ATG3: variants seen among roughly 807,000 people sequenced by gnomAD.
ATG3 encodes the protein autophagy related 3.
In ATG3, 25 loss-of-function variants were observed where a neutral mutation model predicts 50.7. The observed-to-expected ratio is 0.49, with a 90% CI of 0.36 to 0.69. The LOEUF is 0.69. Among genes scored for constraint, ATG3 ranks in the 30% least tolerant of loss-of-function variants. The pLI, the probability that ATG3 is intolerant of heterozygous loss-of-function variation, is 0.00. For missense variants in ATG3, 281 were observed against 376.0 expected, an observed-to-expected ratio of 0.75 and a Z score of 2.09; for synonymous variants, 119 against 125.5, an observed-to-expected ratio of 0.95 and a Z score of 0.34.
intron 10 of ATG3, 149 bp downstream of exon 10, chr3:112,536,326 G>T: frequency 2.2e-6 from 2 of 889,604 alleles, no homozygotes; most frequent in Non-Finnish European, 3.3e-6. Context: ...TTAAGCACAA[G>T]AAAATTTCTA....
intron 1 of ATG3, 112 bp downstream of exon 1, chr3:112,561,345 A>C (rs1399495631): frequency 9.0e-7 from 1 of 1,114,674 alleles, no homozygotes; most frequent in Non-Finnish European, 1.3e-6. Flanking sequence ...CTCGAGCCCT[A>C]CTGCCTTCCT....
chr3:112,550,122 G>T, intron 4 of ATG3, 70 bp downstream of exon 4: 1 of 1,170,592 alleles, frequency 8.5e-7, no homozygotes, highest in Non-Finnish European at 1.2e-6. Flanking sequence ...TCAAGCAATA[G>T]AAAAACCGAG....
At chr3:112,553,041 G>A (rs1933569756) in intron 3 of ATG3, among the ~76,000 whole-genome samples, 1 of 152,172 alleles carries the variant, frequency 6.6e-6, no homozygotes, top group South Asian at 2.1e-4. Context: ...AGTAAAGGAA[G>A]TAAATGCATT....
intron 2 of ATG3, among the ~76,000 whole-genome samples, chr3:112,557,499 T>A (rs1471144064): frequency 6.6e-6 from 1 of 152,174 alleles, no homozygotes; most frequent in Non-Finnish European, 1.5e-5. Context: ...TCACCTGTAT[T>A]CCCAGCTACT....
intron 5 of ATG3, among the ~76,000 whole-genome samples, chr3:112,544,551 G>A (rs1387926637): frequency 6.6e-6 from 1 of 151,228 alleles, no homozygotes; most frequent in Non-Finnish European, 1.5e-5. Context: ...CTACTTGGGA[G>A]GCTGAGACAG....
In ATG3 at chr3:112,536,586, G is replaced by C. The variant is rs1442167181; in HGVS notation, c.683C>G (p.Thr228Arg). 1 of 1,614,022 alleles carries C rather than the reference G, an allele frequency of 6.2e-7. No homozygotes were observed. Among genetic ancestry groups the C allele is most frequent in the East Asian group, 2.2e-5 (1 of 44,872 alleles). Residue 228 changes from threonine to arginine, a missense_variant, in exon 10 of 12, where the codon ACA becomes AGA. By Grantham distance (71) the Thr-to-Arg change is moderately conservative. Coordinates refer to ENST00000283290, the MANE Select transcript of ATG3 (RefSeq NM_022488.5). ...FGYDEQRQPL[T>R]VEHMYEDISQ... ...GATGTCTTCATACATGTGCTCAACT[G>C]TTAAAGGCTGCCGTTGCTGAAAGCA...
At chr3:112,547,460 T>C (rs890048455) in intron 5 of ATG3, among the ~76,000 whole-genome samples, 2 of 152,184 alleles carry the variant, frequency 1.3e-5, no homozygotes, top group Non-Finnish European at 2.9e-5. Context: ...CCTCTAGGAC[T>C]CAAAGGGAGA....
intron 4 of ATG3, among the ~76,000 whole-genome samples, chr3:112,549,125 T>C (rs1002458780): frequency 6.6e-6 from 1 of 152,244 alleles, no homozygotes; most frequent in Non-Finnish European, 1.5e-5. Flanking sequence ...TTATTCACAA[T>C]GGATAAAACA....
chr3:112,553,234 G>C (rs1245293261), intron 3 of ATG3, 46 bp downstream of exon 3: 1 of 1,506,528 alleles, frequency 6.6e-7, no homozygotes, highest in Non-Finnish European at 9.2e-7. Context: ...TAATTCTGAA[G>C]CCATGCATTT....
chr3:112,543,739 T>C (rs976779270), intron 6 of ATG3, among the ~76,000 whole-genome samples: 9 of 152,294 alleles, frequency 5.9e-5, no homozygotes, highest in African/African-American at 2.2e-4. Flanking sequence ...AAAAAAGTCA[T>C]CTCTTTTAAA....
chr3:112,550,316 A>C, intron 3 of ATG3, 54 bp from the exon 4 acceptor site: 1 of 1,339,214 alleles, frequency 7.5e-7, no homozygotes, highest in Non-Finnish European at 1.1e-6. Flanking sequence ...ATAGGCAAAT[A>C]TACAGCAGAA....
intron 5 of ATG3, among the ~76,000 whole-genome samples, chr3:112,548,134 A>G (rs1284312821): frequency 6.6e-6 from 1 of 152,190 alleles, no homozygotes; most frequent in African/African-American, 2.4e-5. Flanking sequence ...CAGCCAGATG[A>G]CGAGGTCAAG....
At chr3:112,553,538 TA>T (rs1176389583) in intron 2 of ATG3, among the ~76,000 whole-genome samples, 3 of 152,158 alleles carry the variant, frequency 2.0e-5, no homozygotes, top group Non-Finnish European at 4.4e-5. Flanking sequence ...CTAATGTCCA[TA>T]AAAAAATTCA....
rs533958789 is a variant in ATG3 at position 112,550,204 on chromosome 3, C to T, written c.223G>A (p.Val75Ile). 31 of 1,611,420 alleles carry T rather than the reference C, an allele frequency of 1.9e-5. No individual in the cohort carries two copies. The highest frequency in any genetic ancestry group is 2.6e-5 in the Non-Finnish European group (31 of 1,178,476). Residue 75 changes from valine (V) to isoleucine (I), a missense_variant, in exon 4 of 12, where the codon GTA becomes ATA. Transcript: ENST00000283290. ...AYLPTGKQFL[V>I]TKNVPCYKRC... ...ACATAATTCTTACCATTTTTGGTTA[C>T]CAAAAATTGTTTGCCTGTTGGTAGG...
chr3:112,543,333 T>G (rs868773965), intron 6 of ATG3, among the ~76,000 whole-genome samples: 1 of 152,078 alleles, frequency 6.6e-6, no homozygotes, highest in Non-Finnish European at 1.5e-5. Flanking sequence ...TGAAGACAAC[T>G]GCGGTTGATC....
intron 6 of ATG3, among the ~76,000 whole-genome samples, chr3:112,543,680 C>T (rs911853687): frequency 8.6e-5 from 13 of 152,034 alleles, no homozygotes; most frequent in Non-Finnish European, 1.9e-4. Flanking sequence ...TAATTCCACC[C>T]CAACATTCTC....
intron 10 of ATG3, 133 bp from the exon 11 acceptor site, chr3:112,534,470 T>C (rs1259771180): frequency 2.4e-5 from 12 of 510,070 alleles, no homozygotes; most frequent in Non-Finnish European, 3.4e-5. Flanking sequence ...TATTATAAAC[T>C]ATCTCCCCCA....
At chr3:112,549,795 A>C (rs563286751) in intron 4 of ATG3, among the ~76,000 whole-genome samples, 39 of 66,062 alleles carry the variant, frequency 5.9e-4, no homozygotes, top group Admixed American at 1.2e-3. Context: ...GTCTCAAAAC[A>C]ACCAAAAAAA....
chr3:112,551,468 A>ATAATTACCC (rs1933526689), intron 3 of ATG3, among the ~76,000 whole-genome samples: 1 of 152,226 alleles, frequency 6.6e-6, no homozygotes, highest in Admixed American at 6.5e-5. Flanking sequence ...AAAAGTGTGG[A>ATAATTACCC]CACTGAAGTG....
Sources: gnomAD v4.1 joint callset for allele counts (sites outside exome capture counted in the v4.1 genomes callset) on GRCh38, gnomAD v4.1.1 for gene constraint, MANE v1.5 for transcripts, NCBI Gene and HGNC (gene_info 2026-07-23, HGNC 2026-07-21) for gene names.